The following MSANTD3 variants were observed in gnomAD, a reference collection of about 807,000 sequenced individuals.
MSANTD3 encodes Myb/SANT DNA binding domain containing 3.
Under a neutral mutation model 27.7 loss-of-function variants are expected in MSANTD3, and 11 were observed. The ratio of observed to expected loss-of-function variants is 0.40; its 90% CI spans 0.25 to 0.66. The LOEUF is 0.66. MSANTD3 is among the 30% of genes least tolerant of loss of function. MSANTD3 has a pLI of 0.41. For missense variants in MSANTD3, 250 were observed against 336.5 expected (o/e 0.74, Z 2.01); for synonymous variants, 131 against 127.2 (o/e 1.03, Z -0.20).
intron 2 of MSANTD3, chr9:100,448,697 C>G: frequency 1.0e-6 from 1 of 985,296 alleles, no homozygotes; most frequent in Non-Finnish European, 1.2e-6. Flanking sequence ...AGGTAAACTG[C>G]CAGTTTTAAC....
At position 100,451,173 on chromosome 9, in the gene MSANTD3, A is replaced by T. The variant is rs1362231065; in HGVS notation, c.*207A>T. On this transcript the variant is annotated 3_prime_UTR_variant, in exon 3 of 3. Transcript: ENST00000395067. ...AAGCTGTTATAGTCTTCTGAAAATTATCACTATGAGTGCTATAATTCTGAA... is the reference window on the plus strand; with the variant it reads ...AAGCTGTTATAGTCTTCTGAAAATTTTCACTATGAGTGCTATAATTCTGAA... 1 of 513,152 alleles carries T rather than the reference A, an allele frequency of 1.9e-6. No homozygotes were observed. The highest frequency in any genetic ancestry group is 1.9e-5 in the African/African-American group (1 of 52,146). 31.8% of individuals were successfully genotyped at this position (513,152 alleles called of 1,614,324 possible).
intron 1 of MSANTD3, among the ~76,000 whole-genome samples, chr9:100,433,971 C>T (rs913840928): frequency 1.3e-4 from 20 of 152,124 alleles, no homozygotes; most frequent in Non-Finnish European, 2.4e-4. Flanking sequence ...TGGAGTATGT[C>T]CCTAGGCTCA....
chr9:100,450,327 ATAACC>A (rs954713283), intron 2 of MSANTD3, among the ~76,000 whole-genome samples: 5 of 152,220 alleles, frequency 3.3e-5, no homozygotes, highest in African/African-American at 9.6e-5. Flanking sequence ...AGTTCTAGAA[ATAACC>A]TAACAAAACC....
At chr9:100,428,204 G>C (rs1236140051) in intron 1 of MSANTD3, among the ~76,000 whole-genome samples, 1 of 152,158 alleles carries the variant, frequency 6.6e-6, no homozygotes, top group East Asian at 1.9e-4. Flanking sequence ...GTATTTCTTA[G>C]GCGTGATAAC....
chr9:100,449,942 A>G (rs1239219046), intron 2 of MSANTD3, among the ~76,000 whole-genome samples: 1 of 152,156 alleles, frequency 6.6e-6, no homozygotes, highest in African/African-American at 2.4e-5. Flanking sequence ...AATAAGAGGG[A>G]CATTGAAAAC....
chr9:100,433,166 T>C (rs1836409361), intron 1 of MSANTD3, among the ~76,000 whole-genome samples: 1 of 152,214 alleles, frequency 6.6e-6, no homozygotes, highest in Non-Finnish European at 1.5e-5. Flanking sequence ...GATTTCAGAC[T>C]CTTCTCTGTT....
At chr9:100,449,276 G>C (rs1836827577) in intron 2 of MSANTD3, 1 of 984,392 alleles carries the variant, frequency 1.0e-6, no homozygotes. Context: ...TACCAAACGT[G>C]GTATCCTTTT....
chr9:100,428,356 G>T (rs1836290518), intron 1 of MSANTD3, among the ~76,000 whole-genome samples: 1 of 152,170 alleles, frequency 6.6e-6, no homozygotes, highest in Non-Finnish European at 1.5e-5. Context: ...GCAGATGATT[G>T]TATTCCAAGG....
intron 1 of MSANTD3, among the ~76,000 whole-genome samples, chr9:100,441,684 G>A (rs887892929): frequency 1.3e-5 from 2 of 152,108 alleles, no homozygotes; most frequent in Non-Finnish European, 2.9e-5. Flanking sequence ...TTATATACCA[G>A]ATAGTCACAG....
At chr9:100,444,246 A>G (rs1836698943) in intron 2 of MSANTD3, 1 of 152,144 alleles carries the variant, frequency 6.6e-6, no homozygotes, top group African/African-American at 2.4e-5. Flanking sequence ...AACCTCATGC[A>G]TCGATTTCCA....
intron 2 of MSANTD3, chr9:100,448,441 C>T (rs1836809878): frequency 4.1e-6 from 4 of 985,292 alleles, no homozygotes; most frequent in Admixed American, 6.1e-5. Context: ...TTGAAACTCA[C>T]ACCTGAGGGC....
At chr9:100,445,270 T>A in intron 2 of MSANTD3, 2 of 1,192,544 alleles carry the variant, frequency 1.7e-6, no homozygotes, top group South Asian at 1.2e-5. Context: ...ATGGCCCTCA[T>A]TACATCTTGT....
intron 1 of MSANTD3, among the ~76,000 whole-genome samples, chr9:100,437,404 C>G (rs148718498): frequency 6.6e-6 from 1 of 152,170 alleles, no homozygotes; most frequent in South Asian, 2.1e-4. Flanking sequence ...GGAGCATGAG[C>G]ATTGGAGTAA....
intron 1 of MSANTD3, among the ~76,000 whole-genome samples, chr9:100,438,702 G>A (rs1836537127): frequency 1.3e-5 from 2 of 152,176 alleles, no homozygotes; most frequent in Non-Finnish European, 2.9e-5. Flanking sequence ...AGAAAGTTAA[G>A]CTGGACATAG....
chr9:100,448,951 C>T (rs1564252423), intron 2 of MSANTD3: 70 of 985,084 alleles, frequency 7.1e-5, no homozygotes, highest in Non-Finnish European at 8.2e-5. Flanking sequence ...AATAATTAAA[C>T]AGTAGCCATT....
At chr9:100,434,257 C>T (rs979357078) in intron 1 of MSANTD3, among the ~76,000 whole-genome samples, 1 of 152,178 alleles carries the variant, frequency 6.6e-6, no homozygotes, top group African/African-American at 2.4e-5. Context: ...GGTGTGGTGG[C>T]TCACACCTGT....
In MSANTD3 at chr9:100,451,493, G is replaced by A. The variant is rs1836889027; in HGVS notation, c.*527G>A. On this transcript the variant is annotated 3_prime_UTR_variant, in exon 3 of 3. Coordinates refer to ENST00000395067, the MANE Select transcript of MSANTD3 (RefSeq NM_080655.3). ...GCTGCAGCACCTTTTTAATTTTCTC[G>A]GTGTCATCCTCTGAGTATGGATTTT... 6.6e-6 allele frequency: 1 copy of A among 151,366 alleles called. No homozygotes were observed. Among genetic ancestry groups the A allele is most frequent in the Non-Finnish European group, 1.5e-5 (1 of 67,884 alleles). The allele number at this position is 151,366 out of a possible 1,614,324, so 9.4% of individuals were successfully genotyped here. A position where few individuals can be genotyped will look rare whatever the true frequency, so the allele number is the denominator to read the frequency against.
At chr9:100,438,748 T>G (rs1413530224) in intron 1 of MSANTD3, among the ~76,000 whole-genome samples, 1 of 152,114 alleles carries the variant, frequency 6.6e-6, no homozygotes, top group Admixed American at 6.5e-5. Flanking sequence ...AGAAGAGAGA[T>G]ATTGTACAGG....
At chr9:100,441,288 A>G (rs1223180898) in intron 1 of MSANTD3, among the ~76,000 whole-genome samples, 1 of 152,024 alleles carries the variant, frequency 6.6e-6, no homozygotes, top group African/African-American at 2.4e-5. Context: ...ACTGGCTAAC[A>G]TGATTTGGGG....
Sources: gnomAD v4.1 joint callset for allele counts (sites outside exome capture counted in the v4.1 genomes callset) on GRCh38, gnomAD v4.1.1 for gene constraint, MANE v1.5 for transcripts, NCBI Gene and HGNC (gene_info 2026-07-23, HGNC 2026-07-21) for gene names.